The following GALNTL6 variants were observed in gnomAD, a reference collection of about 807,000 sequenced individuals.
GALNTL6 encodes the protein polypeptide N-acetylgalactosaminyltransferase like 6.
Under a neutral mutation model 73.7 loss-of-function variants are expected in GALNTL6, and 46 were observed. The observed-to-expected ratio is 0.62, with a 90% CI of 0.49 to 0.80. The LOEUF (loss-of-function observed/expected upper bound fraction) is 0.80, where lower values mean the gene tolerates loss of function less well. Among genes scored for constraint, GALNTL6 ranks in the 30% least tolerant of loss-of-function variants. GALNTL6 has a pLI of 0.00. For missense variants in GALNTL6, 604 were observed against 755.0 expected (o/e 0.80, Z 2.34); for synonymous variants, 259 against 263.7 (o/e 0.98, Z 0.17).
chr4:172,160,351 A>G (rs1201514297), intron 2 of GALNTL6, among the ~76,000 whole-genome samples: 1 of 146,914 alleles, frequency 6.8e-6, no homozygotes, highest in African/African-American at 2.5e-5. Context: ...GACTGAAAGA[A>G]AAAAAAAAAT....
At chr4:172,482,923 A>G (rs1248545671) in intron 5 of GALNTL6, among the ~76,000 whole-genome samples, 2 of 152,172 alleles carry the variant, frequency 1.3e-5, no homozygotes, top group Non-Finnish European at 2.9e-5. Flanking sequence ...TACATTTTTA[A>G]TTTATAATTT....
At chr4:172,688,732 C>A (rs1733082480) in intron 5 of GALNTL6, among the ~76,000 whole-genome samples, 2 of 152,316 alleles carry the variant, frequency 1.3e-5, no homozygotes, top group Admixed American at 1.3e-4. Flanking sequence ...AAATGGCTCT[C>A]CCCAGTGGAT....
At chr4:172,893,236 G>A (rs1465035286) in intron 8 of GALNTL6, among the ~76,000 whole-genome samples, 2 of 152,238 alleles carry the variant, frequency 1.3e-5, no homozygotes, top group Non-Finnish European at 1.5e-5. Flanking sequence ...AGGTGCTACT[G>A]GCTAATAGGC....
chr4:172,488,829 A>G (rs1733788215), intron 5 of GALNTL6, among the ~76,000 whole-genome samples: 1 of 120,340 alleles, frequency 8.3e-6, no homozygotes, highest in South Asian at 3.3e-4. Context: ...CTGCGAAGGC[A>G]GTCCTGGGGT....
At chr4:172,263,382 T>A (rs184144489) in intron 3 of GALNTL6, among the ~76,000 whole-genome samples, 239 of 151,598 alleles carry the variant, frequency 1.6e-3, no homozygotes, top group African/African-American at 5.6e-3. Context: ...AACTCTGAAG[T>A]TGTTTTTCCT....
chr4:171,928,519 T>A (rs946479736), intron 2 of GALNTL6, among the ~76,000 whole-genome samples: 1 of 152,212 alleles, frequency 6.6e-6, no homozygotes, highest in Admixed American at 6.5e-5. Context: ...CAAAAATACA[T>A]GAATCATGTT....
intron 2 of GALNTL6, among the ~76,000 whole-genome samples, chr4:172,085,429 TG>T (rs1265038411): frequency 2.0e-5 from 3 of 152,148 alleles, no homozygotes; most frequent in Non-Finnish European, 4.4e-5. Flanking sequence ...GGTTCATGCC[TG>T]TAATCCTAGC....
intron 10 of GALNTL6, 56 bp downstream of exon 10, chr4:172,952,314 A>C: frequency 7.7e-7 from 1 of 1,295,248 alleles, no homozygotes; most frequent in Non-Finnish European, 1.1e-6. Context: ...TGCCTCCCCC[A>C]TAGCCTCAGG....
intron 2 of GALNTL6, among the ~76,000 whole-genome samples, chr4:172,099,620 C>T (rs1732455963): frequency 6.6e-6 from 1 of 152,060 alleles, no homozygotes; most frequent in South Asian, 2.1e-4. Context: ...CCTTTGTGTT[C>T]CCAACTGTCT....
chr4:172,933,961 G>A (rs77414187), intron 9 of GALNTL6, among the ~76,000 whole-genome samples: 2,240 of 152,220 alleles, frequency 0.015, 25 homozygotes, highest in Non-Finnish European at 0.024. Context: ...CACACACATA[G>A]ACACACAAAT....
chr4:172,563,964 A>T (rs1012677798), intron 5 of GALNTL6, among the ~76,000 whole-genome samples: 1 of 152,186 alleles, frequency 6.6e-6, no homozygotes, highest in Admixed American at 6.5e-5. Context: ...ACATTTACAA[A>T]TATGTTAGTC....
At chr4:172,261,388 C>T (rs1292463034) in intron 3 of GALNTL6, among the ~76,000 whole-genome samples, 2 of 151,264 alleles carry the variant, frequency 1.3e-5, no homozygotes, top group Admixed American at 6.6e-5. Context: ...CTAGTTTGTG[C>T]ATGTAAAGGC....
At chr4:172,617,403 CAAAA>C (rs34182269) in intron 5 of GALNTL6, among the ~76,000 whole-genome samples, 1 of 116,926 alleles carries the variant, frequency 8.6e-6, no homozygotes. Flanking sequence ...GAAAGACACT[CAAAA>C]AAAAAAAAAA....
At chr4:172,996,214 A>C (rs1225477014) in intron 10 of GALNTL6, among the ~76,000 whole-genome samples, 2 of 152,114 alleles carry the variant, frequency 1.3e-5, no homozygotes, top group Non-Finnish European at 2.9e-5. Context: ...CAACCATAAA[A>C]AAAATGAGAT....
chr4:172,390,830 C>CA (rs1374728448), intron 5 of GALNTL6, among the ~76,000 whole-genome samples: 3 of 152,002 alleles, frequency 2.0e-5, no homozygotes, highest in Admixed American at 6.5e-5. Context: ...AGATAAAATG[C>CA]AAAAAGACTT....
At chr4:172,797,457 C>T (rs28722651) in intron 5 of GALNTL6, among the ~76,000 whole-genome samples, 1 of 151,892 alleles carries the variant, frequency 6.6e-6, no homozygotes, top group African/African-American at 2.4e-5. Flanking sequence ...GTTGCTCAGG[C>T]TTGTCTGTAG....
intron 2 of GALNTL6, among the ~76,000 whole-genome samples, chr4:172,180,690 A>G (rs1255173878): frequency 6.6e-6 from 1 of 152,136 alleles, no homozygotes; most frequent in East Asian, 1.9e-4. Flanking sequence ...TCCCAACACC[A>G]TTTATTCAAT....
At chr4:172,380,112 C>T in intron 5 of GALNTL6, 1 of 996,576 alleles carries the variant, frequency 1.0e-6, no homozygotes, top group Non-Finnish European at 1.6e-6. Context: ...CACTGCTCCT[C>T]TGCATCATTT....
intron 4 of GALNTL6, among the ~76,000 whole-genome samples, chr4:172,316,025 AAT>A (rs1195422655): frequency 6.6e-6 from 1 of 152,170 alleles, no homozygotes; most frequent in Admixed American, 6.5e-5. Context: ...TTTGTGCATG[AAT>A]ATGTTGTTGC....
Sources: gnomAD v4.1 joint callset for allele counts (sites outside exome capture counted in the v4.1 genomes callset) on GRCh38, gnomAD v4.1.1 for gene constraint, MANE v1.5 for transcripts, NCBI Gene and HGNC (gene_info 2026-07-23, HGNC 2026-07-21) for gene names.